FMN2: variants seen among roughly 807,000 people sequenced by gnomAD.
The protein encoded by FMN2 is formin 2, also known as formin-2.
A neutral mutation model predicts 142.3 loss-of-function variants in FMN2; 51 were observed. That is an observed-to-expected ratio of 0.36 (90% CI 0.29 to 0.45). The LOEUF is 0.45. Among genes scored for constraint, FMN2 ranks in the 20% least tolerant of loss-of-function variants. FMN2 has a pLI of 1.00. For missense variants in FMN2, 1,936 were observed against 2,122.8 expected (o/e 0.91, Z 1.73); for synonymous variants, 882 against 869.8 (o/e 1.01, Z -0.25).
At chr1:240,122,073 T>TTAAA (rs1302595387) in intron 1 of FMN2, among the ~76,000 whole-genome samples, 5 of 144,114 alleles carry the variant, frequency 3.5e-5, no homozygotes, top group Admixed American at 2.1e-4. Context: ...AATTAATTAA[T>TTAAA]TAATTTATTT....
chr1:240,181,547 T>C (rs879919207), intron 3 of FMN2, among the ~76,000 whole-genome samples: 3 of 152,212 alleles, frequency 2.0e-5, no homozygotes, highest in Admixed American at 2.0e-4. Context: ...TTGGTGCCTC[T>C]TCTCACCAGT....
chr1:240,188,964 A>G (rs1397724893), intron 4 of FMN2, among the ~76,000 whole-genome samples: 1 of 152,140 alleles, frequency 6.6e-6, no homozygotes, highest in Non-Finnish European at 1.5e-5. Context: ...CCCATTCACT[A>G]TCATGAGAAG....
At chr1:240,206,674 C>T (rs1307999027) in intron 4 of FMN2, 125 bp from the exon 5 acceptor site, 3 of 1,150,206 alleles carry the variant, frequency 2.6e-6, no homozygotes, top group Non-Finnish European at 3.6e-6. Flanking sequence ...ATATTAATAC[C>T]ATCTTTCTGT....
intron 13 of FMN2, among the ~76,000 whole-genome samples, chr1:240,353,032 A>G (rs529819238): frequency 7.9e-5 from 12 of 152,310 alleles, no homozygotes; most frequent in African/African-American, 2.9e-4. Context: ...GTTAGGTAGA[A>G]CTAACATCTC....
At chr1:240,139,433 TC>T (rs1384025892) in intron 2 of FMN2, among the ~76,000 whole-genome samples, 4 of 152,162 alleles carry the variant, frequency 2.6e-5, no homozygotes, top group Non-Finnish European at 5.9e-5. Context: ...GATTGACGAC[TC>T]TTCAGTGTGT....
chr1:240,237,086 A>G (rs1454298174), intron 6 of FMN2, among the ~76,000 whole-genome samples: 1 of 152,218 alleles, frequency 6.6e-6, no homozygotes, highest in East Asian at 1.9e-4. Flanking sequence ...AGCTGGGAAT[A>G]GTCATGGAGT....
At chr1:240,103,155 T>C (rs1290042177) in intron 1 of FMN2, among the ~76,000 whole-genome samples, 8 of 152,224 alleles carry the variant, frequency 5.3e-5, no homozygotes, top group Admixed American at 2.0e-4. Flanking sequence ...CATGAGCCAC[T>C]GCTCCTGGCC....
intron 2 of FMN2, among the ~76,000 whole-genome samples, chr1:240,166,333 G>A (rs972950958): frequency 9.9e-5 from 15 of 151,914 alleles, no homozygotes; most frequent in Non-Finnish European, 2.1e-4. Flanking sequence ...GGGTTCAAGC[G>A]ATTCTCCTGC....
chr1:240,142,755 G>T (rs1663242535), intron 2 of FMN2: 1 of 1,605,306 alleles, frequency 6.2e-7, no homozygotes, highest in Non-Finnish European at 8.5e-7. Flanking sequence ...GGCCAATTCT[G>T]CCCGTTCCCC....
chr1:240,255,868 A>C (rs1361832935), intron 6 of FMN2, among the ~76,000 whole-genome samples: 1 of 152,194 alleles, frequency 6.6e-6, no homozygotes, highest in Non-Finnish European at 1.5e-5. Context: ...ATTATAGGTT[A>C]TAATGTGATG....
intron 2 of FMN2, among the ~76,000 whole-genome samples, chr1:240,124,668 G>A (rs74324721): frequency 0.083 from 12,532 of 151,878 alleles, 1,066 homozygotes; most frequent in African/African-American, 0.22. Context: ...TGAGGATAAT[G>A]ATTTTTCTTT....
intron 2 of FMN2, among the ~76,000 whole-genome samples, chr1:240,128,875 AT>A (rs990606040): frequency 1.3e-5 from 2 of 150,970 alleles, no homozygotes; most frequent in African/African-American, 4.9e-5. Context: ...ATTTGAATTC[AT>A]TTTTTTTTCT....
chr1:240,451,980 A>T (rs1225580399), intron 16 of FMN2, among the ~76,000 whole-genome samples: 1 of 152,090 alleles, frequency 6.6e-6, no homozygotes, highest in African/African-American at 2.4e-5. Context: ...TCACAAGGTC[A>T]GGAGATCGAG....
intron 8 of FMN2, among the ~76,000 whole-genome samples, chr1:240,328,499 A>G (rs1018962459): frequency 3.9e-5 from 6 of 151,974 alleles, no homozygotes; most frequent in East Asian, 1.9e-4. Context: ...CTAATGGTCA[A>G]TAACATTATT....
intron 6 of FMN2, among the ~76,000 whole-genome samples, chr1:240,214,318 G>A (rs1483428561): frequency 1.3e-5 from 2 of 151,888 alleles, no homozygotes; most frequent in African/African-American, 2.4e-5. Context: ...TTCAGAGGCC[G>A]AGGCGGGCGG....
chr1:240,396,193 A>C (rs1409024629), intron 15 of FMN2, among the ~76,000 whole-genome samples: 1 of 152,202 alleles, frequency 6.6e-6, no homozygotes, highest in Non-Finnish European at 1.5e-5. Flanking sequence ...TAATGTAAAC[A>C]TAACTTTTAT....
In FMN2 at chr1:240,147,401, T is replaced by C. The variant is rs576235689; in HGVS notation, c.1782+24056T>C. Among the ~76,000 whole-genome samples, 11 of 152,316 alleles carry C rather than the reference T, an allele frequency of 7.2e-5. No homozygotes were observed. The South Asian group carries it at 2.1e-3, about 29-fold the overall frequency. ...TGCCATCACTCTGGTCTAAGCCGCC[T>C]TAGTGTTGAGGCTGGTCTCAAGTGG... is the stretch of plus-strand genomic sequence containing the variant. On this transcript the variant is annotated intron_variant, in intron 2 of 17. Coordinates refer to ENST00000319653, the MANE Select transcript of FMN2 (RefSeq NM_020066.5).
intron 1 of FMN2, among the ~76,000 whole-genome samples, chr1:240,121,751 A>AAAAG (rs1662266636): frequency 1.4e-5 from 2 of 147,760 alleles, no homozygotes; most frequent in African/African-American, 5.0e-5. Context: ...AAAAAAAAAA[A>AAAAG]AAAAAAAAAA....
chr1:240,258,860 A>G (rs1050410423), intron 7 of FMN2, among the ~76,000 whole-genome samples: 1 of 152,220 alleles, frequency 6.6e-6, no homozygotes, highest in Non-Finnish European at 1.5e-5. Context: ...ATCCAATGGA[A>G]TGCCAGTTTA....
Sources: allele counts gnomAD v4.1 joint callset (sites outside exome capture counted in the v4.1 genomes callset), GRCh38; gene constraint gnomAD v4.1.1; transcripts MANE v1.5; gene names NCBI Gene and HGNC (gene_info 2026-07-23, HGNC 2026-07-21).